TENM2: variants seen among roughly 807,000 people sequenced by gnomAD.
TENM2 encodes teneurin-2.
In TENM2, 52 loss-of-function variants were observed where a neutral mutation model predicts 245.2. The observed-to-expected ratio is 0.21, with a 90% CI of 0.17 to 0.27. The LOEUF is 0.27. Among genes scored for constraint, TENM2 ranks in the 10% least tolerant of loss-of-function variants. The pLI is 1.00. For synonymous variants in TENM2, 1,363 were observed against 1,438.9 expected (o/e 0.95, Z 1.19); for missense variants, 3,046 against 3,666.8 (o/e 0.83, Z 4.37).
At chr5:167,613,855 G>A (rs1777619509) in intron 2 of TENM2, among the ~76,000 whole-genome samples, 1 of 152,018 alleles carries the variant, frequency 6.6e-6, no homozygotes, top group Non-Finnish European at 1.5e-5. Context: ...ATGCAACGGT[G>A]GAAGAAATTT....
chr5:167,363,741 A>AAAAC (rs1554139803), intron 1 of TENM2, among the ~76,000 whole-genome samples: 1 of 150,862 alleles, frequency 6.6e-6, no homozygotes, highest in Non-Finnish European at 1.5e-5. Context: ...AAAAAAAAAA[A>AAAAC]AAAAAGAAAA....
chr5:168,231,498 G>A (rs1314713518), intron 25 of TENM2, among the ~76,000 whole-genome samples: 1 of 152,216 alleles, frequency 6.6e-6, no homozygotes, highest in Non-Finnish European at 1.5e-5. Context: ...GCCAGAGACT[G>A]CACATGGAAA....
At chr5:167,260,119 C>G in the TENM2 span, among the ~76,000 whole-genome samples, 1 of 152,182 alleles carries the variant, frequency 6.6e-6, no homozygotes, top group South Asian at 2.1e-4. Context: ...TAGCATAGTT[C>G]TTTTATTTTC....
intron 5 of TENM2, among the ~76,000 whole-genome samples, chr5:168,045,806 C>CT (rs1788559684): frequency 6.6e-6 from 1 of 152,146 alleles, no homozygotes; most frequent in East Asian, 1.9e-4. Flanking sequence ...CTTGAAGCCA[C>CT]CATGATTAGT....
chr5:167,854,352 A>T (rs1000397378), intron 2 of TENM2, among the ~76,000 whole-genome samples: 1 of 152,216 alleles, frequency 6.6e-6, no homozygotes, highest in Non-Finnish European at 1.5e-5. Context: ...AGGGGGAAAA[A>T]AAGGCTTATT....
chr5:167,260,299 A>G, the TENM2 span, among the ~76,000 whole-genome samples: 1 of 152,174 alleles, frequency 6.6e-6, no homozygotes, highest in Non-Finnish European at 1.5e-5. Context: ...GAGGAAAAAA[A>G]TCATTAATAT....
the TENM2 span, among the ~76,000 whole-genome samples, chr5:167,121,635 G>T: frequency 6.6e-6 from 1 of 152,184 alleles, no homozygotes; most frequent in East Asian, 1.9e-4. Flanking sequence ...GCCCCAGGCC[G>T]TCAAAAGTGA....
chr5:167,447,741 C>G (rs1011996206), intron 2 of TENM2, among the ~76,000 whole-genome samples: 1 of 152,232 alleles, frequency 6.6e-6, no homozygotes, highest in Non-Finnish European at 1.5e-5. Context: ...GTGCCTCTCT[C>G]TCTACTAAAC....
chr5:167,553,187 C>T (rs1270325677), intron 2 of TENM2, among the ~76,000 whole-genome samples: 1 of 152,134 alleles, frequency 6.6e-6, no homozygotes, highest in Non-Finnish European at 1.5e-5. Context: ...GAATAGTGAA[C>T]TATGTGAGGA....
intron 2 of TENM2, among the ~76,000 whole-genome samples, chr5:167,402,162 T>C (rs760393729): frequency 6.6e-6 from 1 of 152,150 alleles, no homozygotes; most frequent in Non-Finnish European, 1.5e-5. Context: ...GTCAGCTGAT[T>C]TTTTAATCTT....
the TENM2 span, among the ~76,000 whole-genome samples, chr5:167,029,498 C>T: frequency 6.6e-6 from 1 of 152,174 alleles, no homozygotes; most frequent in East Asian, 1.9e-4. Flanking sequence ...GACACCTGCC[C>T]TTTCTCTTCA....
chr5:167,442,259 T>C (rs1764918643), intron 2 of TENM2, among the ~76,000 whole-genome samples: 1 of 152,212 alleles, frequency 6.6e-6, no homozygotes, highest in African/African-American at 2.4e-5. Context: ...CTTTTAACTG[T>C]TTCTAGCATT....
intron 25 of TENM2, among the ~76,000 whole-genome samples, chr5:168,234,192 C>G (rs1765209452): frequency 6.6e-6 from 1 of 152,074 alleles, no homozygotes; most frequent in South Asian, 2.1e-4. Flanking sequence ...AAAGTTGACT[C>G]CAGGCTTACA....
intron 5 of TENM2, among the ~76,000 whole-genome samples, chr5:167,999,682 T>A (rs777406343): frequency 1.3e-5 from 2 of 152,218 alleles, no homozygotes; most frequent in Non-Finnish European, 2.9e-5. Context: ...GGACTTGAAG[T>A]GCTTCAGGAG....
At chr5:167,310,016 T>C (rs1284602290) in intron 1 of TENM2, 2 of 152,184 alleles carry the variant, frequency 1.3e-5, no homozygotes, top group African/African-American at 4.8e-5. Context: ...TTACCCTTTC[T>C]TTATAAGTAC....
chr5:167,702,555 T>TATATATATATATATATATACATAC (rs1461823611), intron 2 of TENM2, among the ~76,000 whole-genome samples: 27 of 145,866 alleles, frequency 1.9e-4, no homozygotes, highest in Admixed American at 6.2e-4. Flanking sequence ...TGTGTGTGTA[T>TATATATATATATATATATACATAC]ATATATATAT....
intron 2 of TENM2, among the ~76,000 whole-genome samples, chr5:167,661,810 G>C (rs939986062): frequency 1.3e-5 from 2 of 152,194 alleles, no homozygotes; most frequent in Non-Finnish European, 2.9e-5. Flanking sequence ...TCTCCCTCTG[G>C]CTTAGATGGA....
chr5:167,707,982 C>T (rs1758649630), intron 2 of TENM2, among the ~76,000 whole-genome samples: 1 of 152,118 alleles, frequency 6.6e-6, no homozygotes, highest in Non-Finnish European at 1.5e-5. Flanking sequence ...TTTTCTGGTC[C>T]AAGCATTTGT....
the TENM2 span, among the ~76,000 whole-genome samples, chr5:167,039,397 G>A: frequency 6.6e-6 from 1 of 152,068 alleles, no homozygotes; most frequent in African/African-American, 2.4e-5. Flanking sequence ...GTATTGATAG[G>A]GTGTCCTCGA....
Sources: allele counts gnomAD v4.1 joint callset (sites outside exome capture counted in the v4.1 genomes callset), GRCh38; gene constraint gnomAD v4.1.1; transcripts MANE v1.5; gene names NCBI Gene and HGNC (gene_info 2026-07-23, HGNC 2026-07-21).